The following RETREG1 variants were observed in gnomAD, a reference collection of about 807,000 sequenced individuals.
RETREG1 encodes family with sequence similarity 134 member B.
A neutral mutation model predicts 54.8 loss-of-function variants in RETREG1; 44 were observed. That is an observed-to-expected ratio of 0.80 (90% CI 0.63 to 1.03). The LOEUF (loss-of-function observed/expected upper bound fraction) is 1.03. RETREG1 is among the 50% of genes least tolerant of loss of function. The pLI is 0.00. For synonymous variants in RETREG1, 217 were observed against 238.5 expected (o/e 0.91, Z 0.83); for missense variants, 554 against 605.1 (o/e 0.92, Z 0.89).
rs768725177 is a variant in RETREG1 at position 16,478,959 on chromosome 5, A to T, written c.699T>A (p.Phe233Leu). The stretch of plus-strand genomic sequence containing the variant: ...TTTTTTGTCCAATATCATTACATTT[A>T]AACAATGGACACAAAAATGCACACA... ...LLLCAFLCPL[F>L]KCNDIGQKIY... Residue 233 changes from phenylalanine to leucine, a missense_variant, in exon 6 of 9, where the codon TTT becomes TTA. Phe to Leu is a conservative substitution (Grantham distance 22, BLOSUM62 0). This residue lies in a region of RETREG1 where 347 missense variants were observed against 412.3 expected (regional missense o/e 0.84). Coordinates refer to ENST00000306320, the MANE Select transcript of RETREG1 (RefSeq NM_001034850.3). 6.2e-7 allele frequency: 1 copy of T among 1,612,178 alleles called. No homozygotes were observed. Among genetic ancestry groups the T allele is most frequent in the East Asian group, 2.2e-5 (1 of 44,754 alleles).
At position 16,475,146 on chromosome 5, in the gene RETREG1, A is replaced by G. The variant is rs200156015; in HGVS notation, c.1089T>C (p.Asp363=). ...CAGTGGGCAAACCAAGGCTTAATTC[A>G]TCTTCATCATTTGTTCCCATGCCAT... is the stretch of plus-strand genomic sequence containing the variant. ...LENGMGTNDE[D]ELSLGLPTEL... is the part of the protein sequence containing the mutation. The change falls in exon 9 of 9, where the codon GAT becomes GAC. Residue 363 remains aspartate (D), a synonymous_variant. Transcript: ENST00000306320. 790 of 1,613,922 alleles carry G rather than the reference A, an allele frequency of 4.9e-4. No individual in the cohort carries two copies. The highest frequency in any genetic ancestry group is 6.0e-4 in the South Asian group (55 of 91,082).
intron 3 of RETREG1, among the ~76,000 whole-genome samples, chr5:16,485,594 CT>C (rs1738984185): frequency 6.6e-6 from 1 of 152,210 alleles, no homozygotes; most frequent in Admixed American, 6.5e-5. Flanking sequence ...TTTTTTATTA[CT>C]GCTTAAGTAA....
chr5:16,581,809 A>G lies in RETREG1; in HGVS notation c.321-9707T>C, dbSNP rs1199111704. On this transcript the variant is annotated intron_variant, in intron 1 of 8. Transcript: ENST00000306320. ...TTTAGTGAGAGTTACATGTTCTTTT[A>G]GCTGAATAGAATACAACCTTTTAAA... 2.6e-5 allele frequency among the ~76,000 whole-genome samples: 4 copies of G among 152,232 alleles called. No homozygotes were observed. In the East Asian group the frequency reaches 7.7e-4, roughly 29 times the overall value.
intron 1 of RETREG1, among the ~76,000 whole-genome samples, chr5:16,615,630 T>G (rs1326523493): frequency 6.6e-6 from 1 of 152,164 alleles, no homozygotes; most frequent in East Asian, 1.9e-4. Context: ...TAATTCACTT[T>G]CAGGGACCTC....
At chr5:16,598,208 T>C (rs1742957209) in intron 1 of RETREG1, among the ~76,000 whole-genome samples, 1 of 152,224 alleles carries the variant, frequency 6.6e-6, no homozygotes, top group African/African-American at 2.4e-5. Flanking sequence ...CAACGCCTAC[T>C]GACTCTCTAC....
chr5:16,567,622 C>T (rs1055141309), intron 2 of RETREG1, among the ~76,000 whole-genome samples: 1 of 152,098 alleles, frequency 6.6e-6, no homozygotes, highest in Admixed American at 6.5e-5. Flanking sequence ...CCCACTGAGC[C>T]CTCCTCCCAC....
intron 3 of RETREG1, among the ~76,000 whole-genome samples, chr5:16,507,975 T>C (rs1349158003): frequency 1.3e-5 from 2 of 152,344 alleles, no homozygotes; most frequent in South Asian, 2.1e-4. Context: ...ATTATGCTCA[T>C]ATGAGCAGGA....
intron 4 of RETREG1, among the ~76,000 whole-genome samples, chr5:16,482,563 G>A (rs921511356): frequency 6.6e-6 from 1 of 151,910 alleles, no homozygotes; most frequent in Non-Finnish European, 1.5e-5. Context: ...TACTATTGAA[G>A]TTACGATATT....
chr5:16,502,845 A>G (rs1041414282), intron 3 of RETREG1, among the ~76,000 whole-genome samples: 1 of 152,228 alleles, frequency 6.6e-6, no homozygotes, highest in African/African-American at 2.4e-5. Flanking sequence ...TGCAGGACCC[A>G]GATTAGCCCA....
intron 3 of RETREG1, among the ~76,000 whole-genome samples, chr5:16,498,579 G>T (rs1299127287): frequency 6.6e-6 from 1 of 152,156 alleles, no homozygotes; most frequent in Non-Finnish European, 1.5e-5. Context: ...CGGCATGGTG[G>T]TGCATGCCTG....
chr5:16,483,210 C>T, intron 4 of RETREG1, 136 bp downstream of exon 4: 2 of 1,006,832 alleles, frequency 2.0e-6, no homozygotes, highest in Non-Finnish European at 1.5e-6. Flanking sequence ...CTTGCTGATA[C>T]CAGCTTTTAT....
chr5:16,488,798 C>T (rs897817791), intron 3 of RETREG1, among the ~76,000 whole-genome samples: 7 of 152,040 alleles, frequency 4.6e-5, no homozygotes, highest in Non-Finnish European at 1.5e-5. Context: ...TAAAAGCAGA[C>T]CTTAGGCCGG....
At chr5:16,601,001 G>A (rs954606149) in intron 1 of RETREG1, among the ~76,000 whole-genome samples, 2 of 152,168 alleles carry the variant, frequency 1.3e-5, no homozygotes, top group Non-Finnish European at 2.9e-5. Flanking sequence ...AGACAGAGAT[G>A]AAAATAGAAA....
chr5:16,538,455 G>A (rs569473268), intron 3 of RETREG1, among the ~76,000 whole-genome samples: 1 of 152,092 alleles, frequency 6.6e-6, no homozygotes, highest in East Asian at 1.9e-4. Context: ...ACGTGTCAGA[G>A]ACTGCATTAA....
chr5:16,503,676 AAAGAAAG>A (rs1561092801), intron 3 of RETREG1, among the ~76,000 whole-genome samples: 15 of 138,890 alleles, frequency 1.1e-4, no homozygotes, highest in African/African-American at 3.4e-4. Context: ...AAAAAAAAAA[AAAGAAAG>A]AAAGAAAGAA....
intron 1 of RETREG1, among the ~76,000 whole-genome samples, chr5:16,573,017 T>C (rs1381952548): frequency 6.6e-6 from 1 of 151,746 alleles, no homozygotes; most frequent in Non-Finnish European, 1.5e-5. Context: ...ACCCCGTCTC[T>C]ACTAAAAATA....
At chr5:16,511,350 TG>T (rs1448228663) in intron 3 of RETREG1, among the ~76,000 whole-genome samples, 2 of 152,204 alleles carry the variant, frequency 1.3e-5, no homozygotes, top group African/African-American at 4.8e-5. Context: ...TGATGCCAGT[TG>T]ATTCTACCCA....
chr5:16,514,569 T>C (rs1480582481), intron 3 of RETREG1, among the ~76,000 whole-genome samples: 2 of 152,144 alleles, frequency 1.3e-5, no homozygotes, highest in African/African-American at 4.8e-5. Flanking sequence ...AGGGAACAAG[T>C]GGTATTTGGT....
chr5:16,577,886 C>A (rs1742374790), intron 1 of RETREG1, among the ~76,000 whole-genome samples: 1 of 152,208 alleles, frequency 6.6e-6, no homozygotes, highest in African/African-American at 2.4e-5. Context: ...TCACCTTCCA[C>A]CATGATTGTG....
Sources: allele counts gnomAD v4.1 joint callset (sites outside exome capture counted in the v4.1 genomes callset), GRCh38; gene constraint gnomAD v4.1.1; regional missense constraint gnomAD v4.1.1; transcripts MANE v1.5; gene names NCBI Gene and HGNC (gene_info 2026-07-23, HGNC 2026-07-21).